Variants in COPG2 observed in about 807,000 individuals in gnomAD.
COPG2 encodes the protein coat protein complex I subunit gamma 2.
In COPG2, 37 loss-of-function variants were observed where a neutral mutation model predicts 46.3. The observed-to-expected ratio is 0.80, with a 90% CI of 0.61 to 1.05. COPG2 has a LOEUF of 1.05. COPG2 is among the 50% of genes least tolerant of loss of function. The probability of loss-of-function intolerance (pLI) is 0.00; values close to 1 mark genes in which losing one functional copy is unlikely to be tolerated. For missense variants in COPG2, 427 were observed against 387.8 expected (o/e 1.10, Z -0.85); for synonymous variants, 159 against 129.7 (o/e 1.23, Z -1.53).
chr7:130,617,211 T>C (rs918777445), intron 5 of COPG2, 146 bp from the exon 6 acceptor site: 24 of 501,080 alleles, frequency 4.8e-5, no homozygotes, highest in Non-Finnish European at 7.8e-5. Context: ...TTTGTATATG[T>C]GCTAAGACTA....
intron 20 of COPG2, among the ~76,000 whole-genome samples, chr7:130,522,425 G>A (rs1799731474): frequency 6.6e-6 from 1 of 152,132 alleles, no homozygotes; most frequent in Non-Finnish European, 1.5e-5. Flanking sequence ...AAACTTCAAG[G>A]ATAGGAAATA....
chr7:130,550,547 G>T lies in COPG2; in HGVS notation c.1751C>A (p.Ala584Asp). 2.5e-6 allele frequency: 1 copy of T among 397,662 alleles called. No individual in the cohort carries two copies. The highest frequency in any genetic ancestry group is 4.4e-6 in the Non-Finnish European group (1 of 225,674). The allele number at this position is 397,662 out of a possible 1,614,324, so 24.6% of individuals were successfully genotyped here. The change falls in exon 17 of 24, where the codon GCT becomes GAT. Residue 584 changes from alanine to aspartate, a missense_variant. Ala to Asp is a moderately radical substitution (Grantham distance 126). Coordinates refer to ENST00000425248, the MANE Select transcript of COPG2 (RefSeq NM_012133.6). ...FDMKSIPLAM[A>D]PVFEQKAEIT... Reference sequence around the variant, plus strand: ...ACCTGCTTTCTGTTCAAAGACAGGAGCCATAGCAAGAGGAATTGATTTCAT... The same window carrying T: ...ACCTGCTTTCTGTTCAAAGACAGGATCCATAGCAAGAGGAATTGATTTCAT...
At position 130,668,731 on chromosome 7, in the gene COPG2, G is replaced by A; in HGVS notation, c.-63C>T. 1.3e-6 allele frequency: 2 copies of A among 1,491,064 alleles called. No homozygotes were observed. Among genetic ancestry groups the A allele is most frequent in the South Asian group, 1.3e-5 (1 of 78,200 alleles). 92.4% of individuals were successfully genotyped at this position (1,491,064 alleles called of 1,614,324 possible). ...GTCCCAGGCGCCGCAGCCGGCGAGC[G>A]GAAGAGGCTGCAGGAAGGCCGGCCC... On this transcript the variant is annotated 5_prime_UTR_variant, in exon 1 of 24. Transcript: ENST00000425248.
At chr7:130,586,055 T>C (rs1794261774) in intron 9 of COPG2, among the ~76,000 whole-genome samples, 1 of 152,042 alleles carries the variant, frequency 6.6e-6, no homozygotes, top group African/African-American at 2.4e-5. Flanking sequence ...TGCAAAATCA[T>C]GGAACCAACC....
intron 1 of COPG2, among the ~76,000 whole-genome samples, chr7:130,668,266 T>C (rs1330051095): frequency 1.3e-5 from 2 of 151,694 alleles, no homozygotes; most frequent in South Asian, 2.1e-4. Context: ...GTGCTCCCAC[T>C]AGGGGTCCGA....
chr7:130,536,926 A>G (rs1799885930), intron 20 of COPG2, among the ~76,000 whole-genome samples: 1 of 150,918 alleles, frequency 6.6e-6, no homozygotes. Context: ...GAAGGTGCAA[A>G]GGGAAATGGA....
At chr7:130,608,882 T>C (rs1554451644) in intron 9 of COPG2, among the ~76,000 whole-genome samples, 1 of 152,070 alleles carries the variant, frequency 6.6e-6, no homozygotes, top group African/African-American at 2.4e-5. Context: ...TGTTGTTATT[T>C]TTTGAGATGG....
At chr7:130,579,528 G>T (rs1219162155) in intron 9 of COPG2, among the ~76,000 whole-genome samples, 6 of 151,764 alleles carry the variant, frequency 4.0e-5, no homozygotes, top group Admixed American at 6.6e-5. Flanking sequence ...TGGACTAAAT[G>T]CTCCAATTAA....
intron 20 of COPG2, among the ~76,000 whole-genome samples, chr7:130,546,464 T>C (rs1350172601): frequency 1.3e-5 from 2 of 152,166 alleles, no homozygotes; most frequent in Non-Finnish European, 2.9e-5. Flanking sequence ...TAAAGCCAGA[T>C]AGCCTCGAGC....
At chr7:130,601,657 G>A (rs782668597) in intron 9 of COPG2, among the ~76,000 whole-genome samples, 1 of 152,140 alleles carries the variant, frequency 6.6e-6, no homozygotes, top group Non-Finnish European at 1.5e-5. Flanking sequence ...ACACACCGGG[G>A]CCTGTCGCGG....
chr7:130,534,043 G>T (rs1799854930), intron 20 of COPG2, among the ~76,000 whole-genome samples: 1 of 151,780 alleles, frequency 6.6e-6, no homozygotes, highest in Non-Finnish European at 1.5e-5. Flanking sequence ...AAAACAGGAA[G>T]ATGGAACAAA....
At chr7:130,627,974 G>A (rs1357992251) in intron 5 of COPG2, among the ~76,000 whole-genome samples, 1 of 152,154 alleles carries the variant, frequency 6.6e-6, no homozygotes, top group African/African-American at 2.4e-5. Context: ...GGGAGATTTT[G>A]AGTCATTGAT....
intron 20 of COPG2, among the ~76,000 whole-genome samples, chr7:130,516,349 T>C (rs1799677990): frequency 6.6e-6 from 1 of 152,056 alleles, no homozygotes; most frequent in Non-Finnish European, 1.5e-5. Flanking sequence ...AGTGGGGATA[T>C]GAGGGGAGGA....
chr7:130,536,238 C>A (rs1165195030), intron 20 of COPG2, among the ~76,000 whole-genome samples: 2 of 151,828 alleles, frequency 1.3e-5, no homozygotes, highest in East Asian at 3.9e-4. Flanking sequence ...GACTGTTGGG[C>A]AGGGGGAGGG....
intron 10 of COPG2, 137 bp from the exon 11 acceptor site, chr7:130,563,473 T>C: frequency 2.7e-6 from 1 of 376,556 alleles, no homozygotes. Context: ...CTATTACCTA[T>C]ATATGCTGTG....
At chr7:130,607,815 T>C (rs1554451489) in intron 9 of COPG2, 1 of 519,874 alleles carries the variant, frequency 1.9e-6, no homozygotes, top group Admixed American at 1.9e-5. Flanking sequence ...ACTGAGGAAT[T>C]ACAGAATGCC....
chr7:130,534,279 C>T (rs1190443320), intron 20 of COPG2, among the ~76,000 whole-genome samples: 1 of 152,090 alleles, frequency 6.6e-6, no homozygotes, highest in Non-Finnish European at 1.5e-5. Flanking sequence ...ACAGAAACCA[C>T]CGGCAGGGAA....
intron 20 of COPG2, among the ~76,000 whole-genome samples, chr7:130,527,038 G>T (rs1799781645): frequency 6.6e-6 from 1 of 151,762 alleles, no homozygotes; most frequent in Non-Finnish European, 1.5e-5. Context: ...GACTACTGGG[G>T]GTGATGGATA....
intron 5 of COPG2, among the ~76,000 whole-genome samples, chr7:130,627,793 G>A (rs1403640418): frequency 7.1e-6 from 1 of 139,982 alleles, no homozygotes. Flanking sequence ...TGGTTCGGGG[G>A]GCGGGGTGCG....
Sources: allele counts gnomAD v4.1 joint callset (sites outside exome capture counted in the v4.1 genomes callset), GRCh38; gene constraint gnomAD v4.1.1; transcripts MANE v1.5; gene names NCBI Gene and HGNC (gene_info 2026-07-23, HGNC 2026-07-21).